Variants in DDX11 observed in about 807,000 individuals in gnomAD.
DDX11 encodes the protein ATP-dependent DNA helicase DDX11.
A neutral mutation model predicts 125.2 loss-of-function variants in DDX11; 72 were observed. That is an observed-to-expected ratio of 0.58 (90% confidence interval 0.48 to 0.70). The LOEUF is 0.70. Ranked by LOEUF, DDX11 falls within the 30% of genes least tolerant of loss-of-function variation. DDX11 has a pLI of 0.00. For synonymous variants in DDX11, 347 were observed against 452.6 expected (o/e 0.77, Z 2.96); for missense variants, 883 against 1,165.0 (o/e 0.76, Z 3.52).
At chr12:31,077,055 T>C (rs1940826931) in intron 1 of DDX11, 1 of 152,268 alleles carries the variant, frequency 6.6e-6, no homozygotes, top group Non-Finnish European at 1.5e-5. Context: ...ACACTATCAC[T>C]AGTCTTATTG....
Position 31,093,412 on chromosome 12 carries a change from C to T in DDX11, c.1369+88C>T, listed in dbSNP as rs1316886741. On this transcript the variant is annotated intron_variant, in intron 12 of 26. Coordinates refer to ENST00000542838, the MANE Select transcript of DDX11 (RefSeq NM_030653.4). ...GGATGCCCATCAGGACACCTCAGTT[C>T]TCTGTGTTTTTAAGAAGGGTCGGCC... 3 of 1,567,052 alleles carry T rather than the reference C, an allele frequency of 1.9e-6. No homozygotes were observed. The African/African-American group carries it at 4.1e-5, about 21-fold the overall frequency.
At chr12:31,090,766 A>G (rs1944069369) in intron 9 of DDX11, among the ~76,000 whole-genome samples, 1 of 152,194 alleles carries the variant, frequency 6.6e-6, no homozygotes, top group African/African-American at 2.4e-5. Context: ...AAAAAATGTA[A>G]GGTTTTAAAA....
rs899225620 is a variant in DDX11 at position 31,085,177 on chromosome 12, G to C, written c.638+51G>C. 1.0e-5 allele frequency: 16 copies of C among 1,531,830 alleles called. No individual in the cohort carries two copies. In the Admixed American group the frequency reaches 3.1e-4, roughly 30 times the overall value. 94.9% of individuals were successfully genotyped at this position (1,531,830 alleles called of 1,614,324 possible). A position where few individuals can be genotyped will look rare whatever the true frequency, so the allele number is the denominator to read the frequency against. ...CTGCCCCAGGCCAGGGGACACCCTT[G>C]AAGACAGCTCTTTCCCTCATGCCAC... On this transcript the variant is annotated intron_variant, in intron 5 of 26. Transcript: ENST00000542838.
At chr12:31,082,564 C>A (rs1388355281) in intron 2 of DDX11, among the ~76,000 whole-genome samples, 6 of 152,080 alleles carry the variant, frequency 3.9e-5, no homozygotes, top group Non-Finnish European at 8.8e-5. Context: ...GAGATCCCCT[C>A]TGGGTTCAGC....
chr12:31,092,757 C>T (rs1320244104), intron 10 of DDX11, 89 bp from the exon 11 acceptor site: 10 of 1,413,196 alleles, frequency 7.1e-6, no homozygotes, highest in Non-Finnish European at 1.0e-5. Context: ...CCTGTGTGTC[C>T]AGGGCCAGCA....
At chr12:31,081,222 T>C (rs1941862550) in intron 2 of DDX11, among the ~76,000 whole-genome samples, 1 of 152,230 alleles carries the variant, frequency 6.6e-6, no homozygotes, top group Non-Finnish European at 1.5e-5. Flanking sequence ...CCTGTGGCTT[T>C]ATTACCTTTG....
At chr12:31,090,563 G>A (rs1313846094) in intron 9 of DDX11, among the ~76,000 whole-genome samples, 3 of 152,070 alleles carry the variant, frequency 2.0e-5, no homozygotes, top group African/African-American at 2.4e-5. Flanking sequence ...CCTGCAGCAC[G>A]TGAGAATACT....
intron 3 of DDX11, among the ~76,000 whole-genome samples, chr12:31,084,282 T>C (rs1942613860): frequency 1.3e-5 from 2 of 152,166 alleles, no homozygotes; most frequent in African/African-American, 4.8e-5. Flanking sequence ...TTGGTGCCCA[T>C]TTATTACTCA....
intron 15 of DDX11, 69 bp from the exon 16 acceptor site, chr12:31,096,568 C>T: frequency 1.1e-5 from 18 of 1,590,870 alleles, no homozygotes; most frequent in South Asian, 2.3e-5. Flanking sequence ...GCAGAGCCTC[C>T]GATCCACCCA....
chr12:31,075,543 C>T lies in DDX11; in HGVS notation c.-5+1452C>T, dbSNP rs374809091. On this transcript the variant is annotated intron_variant, in intron 1 of 26. Transcript: ENST00000542838. Reference sequence around the variant, plus strand: ...TATAAAATAGAGCTTATAAAAATACCACACAGGGTTTTTGTGGGGTTATCT... The same window carrying T: ...TATAAAATAGAGCTTATAAAAATACTACACAGGGTTTTTGTGGGGTTATCT... 2.6e-3 allele frequency among the ~76,000 whole-genome samples: 395 copies of T among 151,814 alleles called. 18 individuals carry two copies. In the South Asian group the frequency reaches 0.079, roughly 30 times the overall value.
chr12:31,095,762 G>T (rs1409827458), intron 14 of DDX11, among the ~76,000 whole-genome samples: 1 of 152,122 alleles, frequency 6.6e-6, no homozygotes, highest in South Asian at 2.1e-4. Context: ...CCTTCCCTTT[G>T]CCCTCCTTGC....
In DDX11 at chr12:31,103,771, C is replaced by G. The variant is rs780805150; in HGVS notation, c.2692-36C>G. 5.0e-6 allele frequency: 8 copies of G among 1,613,686 alleles called. No homozygotes were observed. The South Asian group carries it at 7.7e-5, about 16-fold the overall frequency. ...TTTCTTTCTGAGAGCCTCCCCACCC[C>G]GAGATCACATTTCTCACTGCCTTCT... On this transcript the variant is annotated intron_variant, in intron 26 of 26. Coordinates refer to ENST00000542838, the MANE Select transcript of DDX11 (RefSeq NM_030653.4).
chr12:31,079,457 G>C (rs1194803294), intron 2 of DDX11, among the ~76,000 whole-genome samples: 1 of 138,322 alleles, frequency 7.2e-6, no homozygotes, highest in East Asian at 2.2e-4. Flanking sequence ...TCTGGGGAGG[G>C]GGTCTCTTCC....
At chr12:31,102,190 C>T (rs1242977486) in intron 21 of DDX11, 53 bp from the exon 22 acceptor site, 8 of 1,592,902 alleles carry the variant, frequency 5.0e-6, no homozygotes, top group African/African-American at 1.3e-5. Context: ...CGAGCAGACT[C>T]GAGACCTGGC....
At chr12:31,080,496 C>A (rs1941685937) in intron 2 of DDX11, among the ~76,000 whole-genome samples, 1 of 152,166 alleles carries the variant, frequency 6.6e-6, no homozygotes, top group South Asian at 2.1e-4. Context: ...GAATTTCAAC[C>A]CGTCCCTTTG....
Position 31,081,692 on chromosome 12 carries a change from T to G in DDX11, c.145-2121T>G, listed in dbSNP as rs144453269. On this transcript the variant is annotated intron_variant, in intron 2 of 26. Transcript: ENST00000542838. ...TGTTCAGAGTGAATGAATTTGCTTA[T>G]CTTGGCATAAATCATGTAACTGTTG... Among the ~76,000 whole-genome samples the G allele has an allele frequency of 1.4e-3, 204 of 149,010 alleles. 1 individual carries two copies. Among genetic ancestry groups the G allele is most frequent in the Non-Finnish European group, 2.5e-3 (172 of 67,670 alleles).
At chr12:31,102,160 G>A in intron 21 of DDX11, 83 bp from the exon 22 acceptor site, 3 of 1,466,428 alleles carry the variant, frequency 2.0e-6, no homozygotes, top group East Asian at 2.3e-5. Context: ...CCAGTCCCCT[G>A]GCCAGAAAAC....
At position 31,078,689 on chromosome 12, in the gene DDX11, C is replaced by CTT. The variant is rs35973448; in HGVS notation, c.144+167_144+168dup. On this transcript the variant is annotated intron_variant, in intron 2 of 26. Coordinates refer to ENST00000542838, the MANE Select transcript of DDX11 (RefSeq NM_030653.4). ...TAATAGTCACTTCCTCTATTAAAGT[C>CTT]TTTTTTTTTTTTTTTTGAGACGGAG... 5,067 of 841,242 alleles carry CTT rather than the reference C, an allele frequency of 6.0e-3. 2 individuals are homozygous for CTT. Among genetic ancestry groups the CTT allele is most frequent in the East Asian group, 0.011 (337 of 30,344 alleles). The allele number at this position is 841,242 out of a possible 1,614,324, so 52.1% of individuals were successfully genotyped here.
rs1941160129 is a variant in DDX11, at chr12:31,078,525, T to A, written c.132T>A (p.Ser44Arg). The change falls in exon 2 of 27, where the codon AGT becomes AGA. Residue 44 changes from serine (S) to arginine (R), a missense_variant. Ser to Arg is a moderately radical substitution (Grantham distance 110, BLOSUM62 -1). This residue lies in a region of DDX11 where 283 missense variants were observed against 359.6 expected (regional missense o/e 0.79). Transcript: ENST00000542838. The stretch of plus-strand genomic sequence containing the variant: ...CTGGCAAGATTGGGATATTTGAGAG[T>A]CCAACTGGCACTGTGAGTATGAACA... ...LEAGKIGIFE[S>R]PTGTGKSLSL... The A allele has an allele frequency of 5.6e-6, 9 of 1,611,662 alleles. No individual in the cohort carries two copies. The highest frequency in any genetic ancestry group is 6.8e-6 in the Non-Finnish European group (8 of 1,179,754).
Sources: gnomAD v4.1 joint callset for allele counts (sites outside exome capture counted in the v4.1 genomes callset) on GRCh38, gnomAD v4.1.1 for gene constraint, gnomAD v4.1.1 regional missense constraint, MANE v1.5 for transcripts, NCBI Gene and HGNC (gene_info 2026-07-23, HGNC 2026-07-21) for gene names.